PRKG1: variants seen among roughly 807,000 people sequenced by gnomAD.
The protein encoded by PRKG1 is cGMP-dependent protein kinase 1.
Under a neutral mutation model 88.1 loss-of-function variants are expected in PRKG1, and 35 were observed. That is an observed-to-expected ratio of 0.40 (90% CI 0.30 to 0.53). PRKG1 has a LOEUF of 0.53. Among genes scored for constraint, PRKG1 ranks in the 20% least tolerant of loss-of-function variants. The probability of loss-of-function intolerance (pLI) is 0.59; values close to 1 mark genes in which losing one functional copy is unlikely to be tolerated. For missense variants in PRKG1, 540 were observed against 839.8 expected, an observed-to-expected ratio of 0.64 and a Z score of 4.41; for synonymous variants, 303 against 292.5, an observed-to-expected ratio of 1.04 and a Z score of -0.37.
chr10:51,737,867 G>A (rs889055559), intron 3 of PRKG1, among the ~76,000 whole-genome samples: 75 of 151,564 alleles, frequency 4.9e-4, no homozygotes, highest in Admixed American at 1.3e-4. Context: ...AGGTTCAAGC[G>A]ATTCTCCTGC....
intron 3 of PRKG1, among the ~76,000 whole-genome samples, chr10:51,538,891 C>G (rs927509306): frequency 1.3e-5 from 2 of 151,916 alleles, no homozygotes; most frequent in South Asian, 4.1e-4. Flanking sequence ...TTACTTAGGC[C>G]TCTTACAATA....
chr10:51,963,441 A>C, intron 5 of PRKG1, among the ~76,000 whole-genome samples: 1 of 151,888 alleles, frequency 6.6e-6, no homozygotes, highest in East Asian at 1.9e-4. Flanking sequence ...AATTAATTTC[A>C]TTCATTTTTA....
At chr10:51,667,060 C>T (rs1840440380) in intron 3 of PRKG1, among the ~76,000 whole-genome samples, 1 of 152,078 alleles carries the variant, frequency 6.6e-6, no homozygotes, top group South Asian at 2.1e-4. Context: ...CCTCACCGTC[C>T]CAAAGTGCTG....
chr10:52,072,912 T>C (rs72803130), intron 7 of PRKG1, among the ~76,000 whole-genome samples: 2 of 152,190 alleles, frequency 1.3e-5, no homozygotes, highest in Admixed American at 6.5e-5. Flanking sequence ...TTAAGTTTCT[T>C]AGTGTGGCCA....
chr10:51,538,607 C>T, intron 3 of PRKG1, among the ~76,000 whole-genome samples: 2 of 150,314 alleles, frequency 1.3e-5, no homozygotes, highest in African/African-American at 2.4e-5. Context: ...AAAATTCTAC[C>T]ATACCTGACT....
upstream of PRKG1, among the ~76,000 whole-genome samples, chr10:51,071,029 T>C (rs936160641): frequency 2.6e-5 from 4 of 152,212 alleles, no homozygotes; most frequent in Non-Finnish European, 5.9e-5. Flanking sequence ...TGAAGGAATC[T>C]GAGGTAGACA....
chr10:51,789,694 C>T (rs1838817092), intron 3 of PRKG1, among the ~76,000 whole-genome samples: 1 of 152,104 alleles, frequency 6.6e-6, no homozygotes, highest in Admixed American at 6.6e-5. Flanking sequence ...ACATTTATAG[C>T]CTTTATTATG....
chr10:51,806,187 A>G (rs1173445310), intron 4 of PRKG1, among the ~76,000 whole-genome samples: 1 of 152,224 alleles, frequency 6.6e-6, no homozygotes, highest in African/African-American at 2.4e-5. Flanking sequence ...CTGGTAATCA[A>G]TGAAATGGTA....
At chr10:52,094,177 A>T (rs973226557) in intron 7 of PRKG1, among the ~76,000 whole-genome samples, 1 of 152,142 alleles carries the variant, frequency 6.6e-6, no homozygotes, top group Non-Finnish European at 1.5e-5. Flanking sequence ...TTGTAGTTGT[A>T]TTATGCTTGA....
chr10:52,036,354 G>T (rs935997377), intron 5 of PRKG1, among the ~76,000 whole-genome samples: 15 of 151,828 alleles, frequency 9.9e-5, no homozygotes, highest in South Asian at 2.1e-4. Context: ...TGGTTGATAA[G>T]GCGCAGATCC....
intron 1 of PRKG1, among the ~76,000 whole-genome samples, chr10:51,061,000 T>C (rs2132783073): frequency 6.6e-6 from 1 of 152,234 alleles, no homozygotes; most frequent in Non-Finnish European, 1.5e-5. Context: ...TATTTTTGTC[T>C]GTCTGCTCTT....
At chr10:51,727,300 A>ATATATATT (rs1554835916) in intron 3 of PRKG1, among the ~76,000 whole-genome samples, 2 of 144,910 alleles carry the variant, frequency 1.4e-5, no homozygotes, top group African/African-American at 5.1e-5. Flanking sequence ...ATATATATAT[A>ATATATATT]TTTTTTTTAC....
In PRKG1 at chr10:51,909,267, G is replaced by C. The variant is rs186007125; in HGVS notation, c.762+1697G>C. ...AAATCAGAAGCTTAAGTGATCTTTG[G>C]CAGGTAGATGGTTTCTTGTAGCATT... On this transcript the variant is annotated intron_variant, in intron 5 of 17. Transcript: ENST00000373980. The C allele has an allele frequency of 3.7e-4, 56 of 152,210 alleles. 2 individuals carry two copies. The highest frequency in any genetic ancestry group is 2.9e-5 in the Non-Finnish European group (2 of 68,088). The allele number at this position is 152,210 out of a possible 1,614,324, so 9.4% of individuals were successfully genotyped here. A position where few individuals can be genotyped will look rare whatever the true frequency, so the allele number is the denominator to read the frequency against.
chr10:51,620,361 T>A (rs987216369), intron 3 of PRKG1, among the ~76,000 whole-genome samples: 1 of 152,122 alleles, frequency 6.6e-6, no homozygotes, highest in African/African-American at 2.4e-5. Context: ...CATTTGGCTC[T>A]CTATTCACCC....
At chr10:51,120,947 G>A (rs1294779004) in intron 1 of PRKG1, among the ~76,000 whole-genome samples, 1 of 152,138 alleles carries the variant, frequency 6.6e-6, no homozygotes, top group Non-Finnish European at 1.5e-5. Context: ...TAAGATGTCA[G>A]TGGGGCTGTT....
intron 3 of PRKG1, among the ~76,000 whole-genome samples, chr10:51,765,085 T>C (rs936092771): frequency 6.6e-6 from 1 of 152,192 alleles, no homozygotes; most frequent in Non-Finnish European, 1.5e-5. Context: ...ACTAAGACAG[T>C]GCTAGTGTGT....
chr10:51,065,960 A>T (rs1201279155), intron 1 of PRKG1, among the ~76,000 whole-genome samples: 1 of 152,050 alleles, frequency 6.6e-6, no homozygotes, highest in Non-Finnish European at 1.5e-5. Context: ...TATCAGAGAG[A>T]GTTTTTTTAG....
At chr10:51,500,190 A>G (rs941495304) in intron 3 of PRKG1, among the ~76,000 whole-genome samples, 3 of 152,200 alleles carry the variant, frequency 2.0e-5, no homozygotes, top group Admixed American at 6.5e-5. Context: ...CATGTCAGAA[A>G]TTAAATACAT....
intron 3 of PRKG1, among the ~76,000 whole-genome samples, chr10:51,619,646 A>T (rs35269043): frequency 6.6e-6 from 1 of 152,210 alleles, no homozygotes; most frequent in African/African-American, 2.4e-5. Context: ...TGATTGCATT[A>T]TCATCCCAGA....
Sources: allele counts gnomAD v4.1 joint callset (sites outside exome capture counted in the v4.1 genomes callset), GRCh38; gene constraint gnomAD v4.1.1; transcripts MANE v1.5; gene names NCBI Gene and HGNC (gene_info 2026-07-23, HGNC 2026-07-21).